The following NEDD9 variants were observed in gnomAD, a reference collection of about 807,000 sequenced individuals.
NEDD9 encodes enhancer of filamentation 1.
In NEDD9, 26 loss-of-function variants were observed where a neutral mutation model predicts 76.6. That is an observed-to-expected ratio of 0.34 (90% confidence interval 0.25 to 0.47). The LOEUF (loss-of-function observed/expected upper bound fraction) is 0.47. Ranked by LOEUF, NEDD9 falls within the 20% of genes least tolerant of loss-of-function variation. The pLI is 1.00. For missense variants in NEDD9, 937 were observed against 1,058.5 expected (o/e 0.89, Z 1.59); for synonymous variants, 392 against 414.2 (o/e 0.95, Z 0.65).
chr6:11,220,025 T>A (rs1203481225), intron 1 of NEDD9, among the ~76,000 whole-genome samples: 1 of 152,204 alleles, frequency 6.6e-6, no homozygotes, highest in East Asian at 1.9e-4. Flanking sequence ...TGATAAGTTA[T>A]GATATAATAT....
chr6:11,259,998 A>G (rs2113322300), intron 3 of NEDD9, among the ~76,000 whole-genome samples: 1 of 151,806 alleles, frequency 6.6e-6, no homozygotes, highest in South Asian at 2.1e-4. Flanking sequence ...ATCCTTCTCC[A>G]TCTGCTAGTC....
chr6:11,360,685 T>A (rs569626780), intron 1 of NEDD9, among the ~76,000 whole-genome samples: 2 of 152,280 alleles, frequency 1.3e-5, no homozygotes, highest in African/African-American at 4.8e-5. Context: ...CCCCAGAAGC[T>A]GAGCAGCTGC....
At chr6:11,200,822 C>T in intron 2 of NEDD9, 7 of 1,487,846 alleles carry the variant, frequency 4.7e-6, no homozygotes, top group Admixed American at 2.3e-5. Context: ...ACGGTTATCA[C>T]CAGAGCAGCT....
chr6:11,300,341 C>A (rs111571932), intron 3 of NEDD9, among the ~76,000 whole-genome samples: 8 of 152,092 alleles, frequency 5.3e-5, no homozygotes, highest in African/African-American at 1.9e-4. Context: ...TGAACAAAGC[C>A]TCCAGGAAAT....
chr6:11,199,578 T>C (rs1758377173), intron 2 of NEDD9: 1 of 149,504 alleles, frequency 6.7e-6, no homozygotes, highest in African/African-American at 2.5e-5. Context: ...GACTAGGTAA[T>C]TGAGATTAAC....
At chr6:11,307,348 A>C (rs1761216194) in intron 2 of NEDD9, among the ~76,000 whole-genome samples, 1 of 152,164 alleles carries the variant, frequency 6.6e-6, no homozygotes, top group Non-Finnish European at 1.5e-5. Flanking sequence ...GGGGGGAAAA[A>C]GGAATTTTCC....
chr6:11,301,322 C>G (rs1174788032), intron 3 of NEDD9, among the ~76,000 whole-genome samples: 1 of 152,144 alleles, frequency 6.6e-6, no homozygotes, highest in African/African-American at 2.4e-5. Context: ...GCTAACTATC[C>G]TAAATATATA....
chr6:11,210,229 A>C (rs1245568907), intron 2 of NEDD9, among the ~76,000 whole-genome samples: 1 of 152,140 alleles, frequency 6.6e-6, no homozygotes, highest in African/African-American at 2.4e-5. Flanking sequence ...GACCTACTGG[A>C]TTAATTTCTC....
intron 3 of NEDD9, among the ~76,000 whole-genome samples, chr6:11,301,821 A>G (rs569911575): frequency 2.0e-3 from 311 of 152,378 alleles, no homozygotes; most frequent in African/African-American, 7.0e-3. Context: ...AACCAATGAG[A>G]AAAAAGATGC....
intron 2 of NEDD9, among the ~76,000 whole-genome samples, chr6:11,319,576 G>GCA (rs1761706717): frequency 8.1e-6 from 1 of 123,570 alleles, no homozygotes. Flanking sequence ...ACACTAATAT[G>GCA]CACTCACACT....
chr6:11,367,766 G>A (rs1762794343), intron 1 of NEDD9, among the ~76,000 whole-genome samples: 1 of 152,206 alleles, frequency 6.6e-6, no homozygotes. Context: ...CTCAATCATT[G>A]ACAGCAGGAT....
intron 3 of NEDD9, among the ~76,000 whole-genome samples, chr6:11,297,147 T>C (rs1760919234): frequency 6.6e-6 from 1 of 150,760 alleles, no homozygotes; most frequent in African/African-American, 2.4e-5. Flanking sequence ...TTTTTTTTTT[T>C]GGTTTTCATT....
chr6:11,194,459 G>A (rs575302705), intron 2 of NEDD9, among the ~76,000 whole-genome samples: 1 of 152,190 alleles, frequency 6.6e-6, no homozygotes, highest in Non-Finnish European at 1.5e-5. Flanking sequence ...TCCTCAGTAT[G>A]CCTCTTCATT....
At chr6:11,359,139 C>G (rs994283291) in intron 1 of NEDD9, among the ~76,000 whole-genome samples, 2 of 152,164 alleles carry the variant, frequency 1.3e-5, no homozygotes, top group Non-Finnish European at 2.9e-5. Flanking sequence ...GCTGGCAAGT[C>G]CCCCAGAAAG....
At chr6:11,311,969 T>C (rs912227642) in intron 2 of NEDD9, among the ~76,000 whole-genome samples, 2 of 152,218 alleles carry the variant, frequency 1.3e-5, no homozygotes, top group Non-Finnish European at 2.9e-5. Context: ...CCCTTTTAAA[T>C]GATGCTCTTT....
At chr6:11,275,657 A>G (rs962005341) in intron 3 of NEDD9, among the ~76,000 whole-genome samples, 3 of 152,198 alleles carry the variant, frequency 2.0e-5, no homozygotes, top group South Asian at 2.1e-4. Context: ...GCCCACAGGC[A>G]GCAAGCTCAG....
At chr6:11,376,123 C>T (rs945008558) in intron 1 of NEDD9, among the ~76,000 whole-genome samples, 27 of 152,328 alleles carry the variant, frequency 1.8e-4, no homozygotes, top group Admixed American at 1.3e-3. Context: ...CGTGCCCGGT[C>T]CCCACTTTTT....
intron 3 of NEDD9, among the ~76,000 whole-genome samples, chr6:11,282,059 A>G (rs1182790694): frequency 6.6e-6 from 1 of 152,180 alleles, no homozygotes; most frequent in Non-Finnish European, 1.5e-5. Context: ...CTCTTCTCAG[A>G]GAATTATATT....
At chr6:11,212,521 G>A (rs6912916) in intron 2 of NEDD9, among the ~76,000 whole-genome samples, 41,493 of 152,104 alleles carry the variant, frequency 0.27, 6,730 homozygotes, top group African/African-American at 0.45. Flanking sequence ...AACATTCATT[G>A]TTCAATTAGT....
Sources: gnomAD v4.1 joint callset for allele counts (sites outside exome capture counted in the v4.1 genomes callset) on GRCh38, gnomAD v4.1.1 for gene constraint, MANE v1.5 for transcripts, NCBI Gene and HGNC (gene_info 2026-07-23, HGNC 2026-07-21) for gene names.